The following PTPRD variants were observed in gnomAD, a reference collection of about 807,000 sequenced individuals.
The protein encoded by PTPRD is protein tyrosine phosphatase receptor type D.
A neutral mutation model predicts 214.5 loss-of-function variants in PTPRD; 34 were observed. The observed-to-expected ratio is 0.16, with a 90% CI of 0.12 to 0.21. PTPRD has a LOEUF of 0.21. Among genes scored for constraint, PTPRD ranks in the 10% least tolerant of loss-of-function variants. The probability of loss-of-function intolerance (pLI) is 1.00; values close to 1 mark genes in which losing one functional copy is unlikely to be tolerated. For missense variants in PTPRD, 2,545 were observed against 2,398.7 expected (o/e 1.06, Z -1.27); for synonymous variants, 1,128 against 845.7 (o/e 1.33, Z -5.79).
chr9:8,620,578 G>C (rs1174105581), intron 14 of PTPRD, among the ~76,000 whole-genome samples: 2 of 151,966 alleles, frequency 1.3e-5, no homozygotes, highest in African/African-American at 4.8e-5. Flanking sequence ...TCAGAATGGA[G>C]AAATTTTAAC....
intron 8 of PTPRD, among the ~76,000 whole-genome samples, chr9:9,453,023 T>A (rs934073248): frequency 9.2e-6 from 1 of 108,628 alleles, no homozygotes; most frequent in Non-Finnish European, 2.0e-5. Context: ...CTATTTTATT[T>A]TTTTTTTTTG....
At chr9:9,856,476 G>C (rs10816208) in intron 5 of PTPRD, among the ~76,000 whole-genome samples, 19,948 of 152,124 alleles carry the variant, frequency 0.13, 1,675 homozygotes, top group Non-Finnish European at 0.19. Flanking sequence ...AATGCATCCA[G>C]TGTATGAAGC....
intron 11 of PTPRD, among the ~76,000 whole-genome samples, chr9:8,746,266 T>A (rs1002493769): frequency 6.6e-6 from 1 of 152,140 alleles, no homozygotes; most frequent in Admixed American, 6.5e-5. Flanking sequence ...GAGGGCAACA[T>A]GGCCATATTG....
At chr9:8,638,816 T>C (rs1037796316) in intron 12 of PTPRD, among the ~76,000 whole-genome samples, 1 of 152,146 alleles carries the variant, frequency 6.6e-6, no homozygotes, top group Non-Finnish European at 1.5e-5. Context: ...TGGGAAGTAC[T>C]TAAAATAATT....
At chr9:10,489,740 T>A (rs73392285) in intron 2 of PTPRD, among the ~76,000 whole-genome samples, 4 of 152,110 alleles carry the variant, frequency 2.6e-5, no homozygotes, top group African/African-American at 9.7e-5. Context: ...CATGGTTAGT[T>A]ATCAGCTGAG....
At chr9:8,397,520 CA>C (rs201383165) in intron 36 of PTPRD, among the ~76,000 whole-genome samples, 1 of 151,482 alleles carries the variant, frequency 6.6e-6, no homozygotes, top group Non-Finnish European at 1.5e-5. Flanking sequence ...GCCCCTTGCC[CA>C]AAAAAAGAAA....
intron 7 of PTPRD, among the ~76,000 whole-genome samples, chr9:9,611,594 C>G (rs545000455): frequency 1.8e-4 from 28 of 151,922 alleles, no homozygotes; most frequent in African/African-American, 6.5e-4. Context: ...TATTTTCATG[C>G]TAAATAATGT....
intron 3 of PTPRD, among the ~76,000 whole-genome samples, chr9:10,200,540 A>G (rs1381520504): frequency 3.9e-5 from 6 of 152,142 alleles, no homozygotes; most frequent in Non-Finnish European, 8.8e-5. Context: ...TCATTTAAGA[A>G]AGAGAAGACC....
At chr9:10,281,569 A>G (rs1468205431) in intron 3 of PTPRD, among the ~76,000 whole-genome samples, 1 of 152,176 alleles carries the variant, frequency 6.6e-6, no homozygotes, top group Non-Finnish European at 1.5e-5. Flanking sequence ...TTACTTTGCT[A>G]CTTAAACAAA....
At chr9:8,938,782 C>T (rs1051628821) in intron 11 of PTPRD, among the ~76,000 whole-genome samples, 1 of 152,042 alleles carries the variant, frequency 6.6e-6, no homozygotes, top group Non-Finnish European at 1.5e-5. Context: ...TTTGTGGACA[C>T]ATTTTCTACA....
chr9:9,500,050 A>C (rs1244601420), intron 8 of PTPRD, among the ~76,000 whole-genome samples: 1 of 152,144 alleles, frequency 6.6e-6, no homozygotes, highest in Non-Finnish European at 1.5e-5. Context: ...AGTAATTTGC[A>C]GAAGTATTCT....
chr9:10,250,854 A>G (rs1317704169), intron 3 of PTPRD, among the ~76,000 whole-genome samples: 1 of 151,914 alleles, frequency 6.6e-6, no homozygotes, highest in Non-Finnish European at 1.5e-5. Flanking sequence ...AATCATATGT[A>G]AATAGGTATA....
At chr9:9,972,761 T>C (rs1279456243) in intron 4 of PTPRD, among the ~76,000 whole-genome samples, 1 of 152,144 alleles carries the variant, frequency 6.6e-6, no homozygotes, top group Non-Finnish European at 1.5e-5. Context: ...GCATGCCTTG[T>C]CTTGTGGCTT....
At chr9:8,380,082 TTG>T (rs965476968) in intron 37 of PTPRD, among the ~76,000 whole-genome samples, 1 of 152,110 alleles carries the variant, frequency 6.6e-6, no homozygotes, top group African/African-American at 2.4e-5. Context: ...TTCTGGATTT[TTG>T]TGTGTGGGGG....
chr9:9,121,852 C>A, intron 10 of PTPRD, among the ~76,000 whole-genome samples: 1 of 152,090 alleles, frequency 6.6e-6, no homozygotes, highest in South Asian at 2.1e-4. Flanking sequence ...AATCTCCATT[C>A]TTGTAAAAAA....
intron 10 of PTPRD, chr9:9,091,038 C>T (rs1398130791): frequency 7.7e-5 from 119 of 1,551,674 alleles, no homozygotes; most frequent in East Asian, 2.0e-4. Flanking sequence ...TAGTGGAGGC[C>T]GCAGCAGTCA....
At chr9:9,683,838 T>C (rs1224378119) in intron 7 of PTPRD, among the ~76,000 whole-genome samples, 1 of 151,678 alleles carries the variant, frequency 6.6e-6, no homozygotes, top group Non-Finnish European at 1.5e-5. Flanking sequence ...ATAATCAGAG[T>C]GGCATCTTTT....
intron 9 of PTPRD, among the ~76,000 whole-genome samples, chr9:9,302,601 C>CTTTTTTTTTTTTTTTTTTTTTTTTT (rs3047853): frequency 7.2e-5 from 8 of 111,886 alleles, no homozygotes; most frequent in Non-Finnish European, 1.0e-4. Flanking sequence ...TTTTTTTTTT[C>CTTTTTTTTTTTTTTTTTTTTTTTTT]TTTTTTTTTT....
intron 4 of PTPRD, among the ~76,000 whole-genome samples, chr9:9,987,165 C>A (rs887700820): frequency 6.6e-6 from 1 of 152,124 alleles, no homozygotes; most frequent in Non-Finnish European, 1.5e-5. Flanking sequence ...ACAACCTTTT[C>A]TCTGGGTAGG....
Sources: allele counts gnomAD v4.1 joint callset (sites outside exome capture counted in the v4.1 genomes callset), GRCh38; gene constraint gnomAD v4.1.1; transcripts MANE v1.5; gene names NCBI Gene and HGNC (gene_info 2026-07-23, HGNC 2026-07-21).